The following SLC22A24 variants were observed in gnomAD, a reference collection of about 807,000 sequenced individuals.
SLC22A24 encodes the protein solute carrier family 22 member 24, also known as steroid transmembrane transporter SLC22A24.
A neutral mutation model predicts 49.8 loss-of-function variants in SLC22A24; 53 were observed. The ratio of observed to expected loss-of-function variants is 1.06; its 90% confidence interval spans 0.85 to 1.34. SLC22A24 has a LOEUF of 1.34. SLC22A24 is among the 40% of genes most tolerant of loss of function. The pLI, the probability that SLC22A24 is intolerant of heterozygous loss-of-function variation, is 0.00. For missense variants in SLC22A24, 786 were observed against 675.9 expected (o/e 1.16, Z -1.81); for synonymous variants, 302 against 256.4 (o/e 1.18, Z -1.70).
rs1303030807 is a variant in SLC22A24, at chr11:63,119,233, G to A, written c.609C>T (p.Arg203=). 6.4e-7 allele frequency: 1 copy of A among 1,551,036 alleles called. No homozygotes were observed. Among genetic ancestry groups the A allele is most frequent in the East Asian group, 2.4e-5 (1 of 40,920 alleles). Residue 203 remains arginine, a synonymous_variant, in exon 3 of 10, where the codon CGC becomes CGT. Coordinates refer to ENST00000612278, the MANE Select transcript of SLC22A24 (RefSeq NM_001136506.2). ...APTFLVYCIL[R]FLAGFSTMTI... ...TCATGGTGGAGAACCCTGCCAAGAAGCGCAGTATGCAGTAAACAAGGAAGG... is the reference window on the plus strand; with the variant it reads ...TCATGGTGGAGAACCCTGCCAAGAAACGCAGTATGCAGTAAACAAGGAAGG...
intron 7 of SLC22A24, 115 bp downstream of exon 7, chr11:63,083,128 A>G: frequency 1.3e-6 from 1 of 792,996 alleles, no homozygotes; most frequent in Non-Finnish European, 2.0e-6. Flanking sequence ...ACTTCAGGGA[A>G]TCTTTTGGCT....
At chr11:63,113,036 ATAT>A (rs1472083769) in intron 4 of SLC22A24, among the ~76,000 whole-genome samples, 1 of 4,644 alleles carries the variant, frequency 2.2e-4, no homozygotes, top group African/African-American at 3.0e-4. Flanking sequence ...AAAAAAAAAA[ATAT>A]ATATATATAT....
chr11:63,081,731 T>C, intron 7 of SLC22A24, 65 bp from the exon 8 acceptor site: 2 of 1,074,024 alleles, frequency 1.9e-6, no homozygotes, highest in South Asian at 2.7e-5. Context: ...CAAATAATTG[T>C]AAAAAGATTC....
intron 1 of SLC22A24, among the ~76,000 whole-genome samples, chr11:63,141,931 A>G (rs575280561): frequency 6.6e-6 from 1 of 152,026 alleles, no homozygotes; most frequent in Non-Finnish European, 1.5e-5. Context: ...AAACTATATT[A>G]CACTTTTGTT....
chr11:63,091,082 G>T (rs1339660282), intron 6 of SLC22A24, among the ~76,000 whole-genome samples: 1 of 150,306 alleles, frequency 6.7e-6, no homozygotes, highest in Non-Finnish European at 1.5e-5. Flanking sequence ...TATCACCACT[G>T]ATCCCACAGA....
rs115197051 is a variant in SLC22A24 at position 63,144,011 on chromosome 11, G to A, written c.-232C>T. The stretch of plus-strand genomic sequence containing the variant: ...CAGCCAAATAGTTTCAGAAGTCACA[G>A]ATATAATTATTTGGCAAAGAGACTG... On this transcript the variant is annotated 5_prime_UTR_variant, in exon 1 of 10. Transcript: ENST00000612278. The A allele has an allele frequency of 4.4e-3, 1,581 of 362,206 alleles. 26 individuals are homozygous for A. The highest frequency in any genetic ancestry group is 0.029 in the African/African-American group (1,411 of 47,986). The allele number at this position is 362,206 out of a possible 1,614,324, so 22.4% of individuals were successfully genotyped here.
intron 6 of SLC22A24, among the ~76,000 whole-genome samples, chr11:63,089,450 A>G (rs1333692016): frequency 1.3e-5 from 2 of 152,238 alleles, no homozygotes; most frequent in Non-Finnish European, 2.9e-5. Flanking sequence ...TACTGGTACC[A>G]GCCACTGCTG....
chr11:63,113,109 TATACACATATATATATAC>T (rs2087182970), intron 4 of SLC22A24, among the ~76,000 whole-genome samples: 1 of 12,746 alleles, frequency 7.8e-5, no homozygotes, highest in African/African-American at 1.4e-4. Context: ...TATACATATA[TATACACATATATATATAC>T]ATATATATAT....
At chr11:63,107,855 G>A (rs1039038601) in intron 4 of SLC22A24, among the ~76,000 whole-genome samples, 2 of 151,994 alleles carry the variant, frequency 1.3e-5, no homozygotes, top group African/African-American at 2.4e-5. Context: ...GGGTTTTCTA[G>A]ATATACAATC....
chr11:63,143,460 T>C lies in SLC22A24; in HGVS notation c.320A>G (p.Asn107Ser). The stretch of plus-strand genomic sequence containing the variant: ...GGGCTCCGTGTCTGGCTCATTTGTG[T>C]TGGGGAAGGTCCCGTTCAGGTGAAG... Reference protein sequence around the residue: ...QLLHLNGTFPNTNEPDTEPCV... With the variant: ...QLLHLNGTFPSTNEPDTEPCV... The change falls in exon 1 of 10, where the codon AAC becomes AGC. Residue 107 changes from asparagine (N) to serine (S), a missense_variant. Asn to Ser is a conservative substitution (Grantham distance 46, BLOSUM62 1). Coordinates refer to ENST00000612278, the MANE Select transcript of SLC22A24 (RefSeq NM_001136506.2). The C allele has an allele frequency of 6.3e-7, 1 of 1,591,334 alleles. No homozygotes were observed. The highest frequency in any genetic ancestry group is 8.6e-7 in the Non-Finnish European group (1 of 1,169,548).
chr11:63,098,945 G>T (rs1030756696), intron 5 of SLC22A24, among the ~76,000 whole-genome samples: 2 of 152,038 alleles, frequency 1.3e-5, no homozygotes, highest in Non-Finnish European at 2.9e-5. Flanking sequence ...AACCAATACT[G>T]CAGAAATTCA....
At chr11:63,140,071 T>G (rs533105820) in intron 1 of SLC22A24, among the ~76,000 whole-genome samples, 2 of 115,246 alleles carry the variant, frequency 1.7e-5, no homozygotes, top group African/African-American at 6.0e-5. Context: ...TTTTTTGTTT[T>G]TTTGTTTTTT....
intron 4 of SLC22A24, among the ~76,000 whole-genome samples, chr11:63,111,244 G>C (rs370839600): frequency 7.3e-4 from 111 of 151,616 alleles, no homozygotes; most frequent in African/African-American, 2.5e-3. Flanking sequence ...TGCTGGATTC[G>C]GTTTGCCAGT....
chr11:63,117,841 C>T (rs1046596038), intron 4 of SLC22A24, among the ~76,000 whole-genome samples: 2 of 152,162 alleles, frequency 1.3e-5, no homozygotes, highest in Non-Finnish European at 2.9e-5. Flanking sequence ...TTTTTAGAGT[C>T]AAAATTTATA....
intron 6 of SLC22A24, among the ~76,000 whole-genome samples, chr11:63,092,724 CA>C (rs2087028554): frequency 6.7e-6 from 1 of 149,718 alleles, no homozygotes; most frequent in Admixed American, 6.7e-5. Flanking sequence ...TGTAAAACCC[CA>C]AAACCATAAA....
At chr11:63,139,817 T>C (rs969102724) in intron 1 of SLC22A24, among the ~76,000 whole-genome samples, 5 of 152,138 alleles carry the variant, frequency 3.3e-5, no homozygotes, top group African/African-American at 1.2e-4. Context: ...GCCCTTTTCC[T>C]CCAAGGGCTC....
Position 63,081,226 on chromosome 11 carries a change from A to G in SLC22A24, c.1395-103T>C, listed in dbSNP as rs17157735. 6,483 of 978,288 alleles carry G rather than the reference A, an allele frequency of 6.6e-3. 267 individuals are homozygous for G. The African/African-American group carries it at 0.093, about 14-fold the overall frequency. The allele number at this position is 978,288 out of a possible 1,614,324, so 60.6% of individuals were successfully genotyped here. On this transcript the variant is annotated intron_variant, in intron 8 of 9. Coordinates refer to ENST00000612278, the MANE Select transcript of SLC22A24 (RefSeq NM_001136506.2). ...TGGGGACCAGTACAACAGAGTTACT[A>G]AACACATGGGCTTTGACAGCAAGCC...
intron 1 of SLC22A24, among the ~76,000 whole-genome samples, chr11:63,141,342 G>A (rs1171000072): frequency 2.0e-5 from 3 of 152,330 alleles, no homozygotes; most frequent in Non-Finnish European, 4.4e-5. Flanking sequence ...AAGGAGGAGA[G>A]GGAGGAGACA....
chr11:63,118,835 T>C, intron 4 of SLC22A24, 77 bp downstream of exon 4: 1 of 1,460,000 alleles, frequency 6.8e-7, no homozygotes, highest in Non-Finnish European at 9.4e-7. Flanking sequence ...ACCGAACAGA[T>C]CCCAGGTGTC....
Sources: gnomAD v4.1 joint callset for allele counts (sites outside exome capture counted in the v4.1 genomes callset) on GRCh38, gnomAD v4.1.1 for gene constraint, MANE v1.5 for transcripts, NCBI Gene and HGNC (gene_info 2026-07-23, HGNC 2026-07-21) for gene names.